WDR19: variants seen among roughly 807,000 people sequenced by gnomAD.
The protein encoded by WDR19 is WD repeat domain 19.
WDR19 carries 121 observed loss-of-function variants against 180.0 expected under a neutral mutation model. The ratio of observed to expected loss-of-function variants is 0.67; its 90% confidence interval spans 0.58 to 0.78. The LOEUF (loss-of-function observed/expected upper bound fraction) is 0.78, where lower values mean the gene tolerates loss of function less well. Ranked by LOEUF, WDR19 falls within the 30% of genes least tolerant of loss-of-function variation. WDR19 has a pLI of 0.00. For synonymous variants in WDR19, 497 were observed against 540.7 expected (o/e 0.92, Z 1.12); for missense variants, 1,450 against 1,640.7 (o/e 0.88, Z 2.01).
intron 4 of WDR19, among the ~76,000 whole-genome samples, chr4:39,190,027 T>C (rs906433468): frequency 1.3e-5 from 2 of 152,226 alleles, no homozygotes; most frequent in Non-Finnish European, 2.9e-5. Context: ...AGACAAAATA[T>C]ATATGGGAAA....
chr4:39,264,591 C>T (rs539598061), intron 28 of WDR19, among the ~76,000 whole-genome samples: 1 of 152,306 alleles, frequency 6.6e-6, no homozygotes, highest in South Asian at 2.1e-4. Context: ...GCAAGCAAGG[C>T]CATGTGTGGC....
chr4:39,198,485 C>T (rs1003515036), intron 5 of WDR19, among the ~76,000 whole-genome samples: 1 of 151,852 alleles, frequency 6.6e-6, no homozygotes, highest in African/African-American at 2.4e-5. Context: ...GGCATGAACC[C>T]GGGAGGTGGA....
chr4:39,267,462 A>C (rs749310954), intron 29 of WDR19, among the ~76,000 whole-genome samples: 2 of 152,218 alleles, frequency 1.3e-5, no homozygotes, highest in Non-Finnish European at 2.9e-5. Context: ...ATAATTTGAA[A>C]ACCAGCGTCA....
At chr4:39,236,491 A>G (rs1047729406) in intron 20 of WDR19, among the ~76,000 whole-genome samples, 1 of 152,210 alleles carries the variant, frequency 6.6e-6, no homozygotes, top group African/African-American at 2.4e-5. Flanking sequence ...TGGAGACTCC[A>G]AAAGGTGGGA....
At chr4:39,251,282 G>T (rs1356835660) in intron 24 of WDR19, among the ~76,000 whole-genome samples, 1 of 152,140 alleles carries the variant, frequency 6.6e-6, no homozygotes, top group Non-Finnish European at 1.5e-5. Flanking sequence ...TTAATAAATG[G>T]TGCTGGGAAA....
Position 39,190,548 on chromosome 4 carries a change from G to A in WDR19, c.290+767G>A, listed in dbSNP as rs533008836. Among the ~76,000 whole-genome samples the A allele has an allele frequency of 3.2e-4, 48 of 152,252 alleles. 1 individual carries two copies. The highest frequency in any genetic ancestry group is 6.8e-3 in the Middle Eastern group (2 of 294). On this transcript the variant is annotated intron_variant, in intron 4 of 36. Coordinates refer to ENST00000399820, the MANE Select transcript of WDR19 (RefSeq NM_025132.4). ...TGACATGGGTATAACATGCTTCATG[G>A]CTTCATGTACCCCTCATGTGGGGAG...
intron 21 of WDR19, among the ~76,000 whole-genome samples, chr4:39,240,681 G>T (rs1240020534): frequency 1.3e-5 from 2 of 152,076 alleles, no homozygotes; most frequent in Non-Finnish European, 2.9e-5. Context: ...GCTGGACGCG[G>T]TGGCTCACAC....
chr4:39,251,152 A>G (rs1297159193), intron 24 of WDR19, among the ~76,000 whole-genome samples: 1 of 152,208 alleles, frequency 6.6e-6, no homozygotes, highest in Non-Finnish European at 1.5e-5. Flanking sequence ...TACTGGTACC[A>G]AAACAGAGAT....
chr4:39,266,230 G>C (rs946021216), intron 29 of WDR19, 90 bp downstream of exon 29: 1 of 1,235,960 alleles, frequency 8.1e-7, no homozygotes, highest in African/African-American at 1.5e-5. Context: ...TTACAACATA[G>C]ACATGAAAAA....
chr4:39,228,041 G>A (rs544788476), intron 15 of WDR19, among the ~76,000 whole-genome samples, 169 bp from the exon 16 acceptor site: 3 of 152,106 alleles, frequency 2.0e-5, no homozygotes, highest in Non-Finnish European at 4.4e-5. Context: ...GCCAGACCTA[G>A]GATAGGAATG....
intron 1 of WDR19, among the ~76,000 whole-genome samples, chr4:39,184,279 G>C (rs1189220941): frequency 1.3e-5 from 2 of 151,768 alleles, no homozygotes; most frequent in African/African-American, 4.8e-5. Context: ...GCGTGGTAGC[G>C]TGTGCCTGTA....
At chr4:39,216,682 A>T (rs749550925) in intron 12 of WDR19, among the ~76,000 whole-genome samples, 1 of 152,100 alleles carries the variant, frequency 6.6e-6, no homozygotes, top group East Asian at 1.9e-4. Flanking sequence ...CTCCCCTTTT[A>T]TTCTTTGAAT....
intron 28 of WDR19, among the ~76,000 whole-genome samples, chr4:39,259,697 T>C (rs1734101101): frequency 6.6e-6 from 1 of 152,240 alleles, no homozygotes; most frequent in African/African-American, 2.4e-5. Flanking sequence ...GTAATACTGC[T>C]ATTAACATTT....
In WDR19 at chr4:39,269,996, G is replaced by A. The variant is rs767727756; in HGVS notation, c.3379G>A (p.Asp1127Asn). Residue 1127 changes from aspartate (D) to asparagine (N), a missense_variant, in exon 31 of 37, where the codon GAT becomes AAT. By Grantham distance (23) the Asp-to-Asn change is conservative. Transcript: ENST00000399820. ...QSAGNYRNAH[D>N]VLFSMYAELK... is the part of the protein sequence containing the mutation. Reference sequence around the variant, plus strand: ...TCAAGGCAACTACCGGAATGCACACGATGTTCTCTTCAGTATGTATGCAGA... The same window carrying A: ...TCAAGGCAACTACCGGAATGCACACAATGTTCTCTTCAGTATGTATGCAGA... The A allele has an allele frequency of 8.9e-5, 144 of 1,613,562 alleles. No homozygotes were observed. Among genetic ancestry groups the A allele is most frequent in the Non-Finnish European group, 1.2e-4 (141 of 1,179,804 alleles).
chr4:39,260,983 C>T (rs1734231402), intron 28 of WDR19, among the ~76,000 whole-genome samples: 1 of 151,760 alleles, frequency 6.6e-6, no homozygotes, highest in Admixed American at 6.6e-5. Context: ...CATAATAGCC[C>T]ATATTTTTTT....
rs80285386 is a variant in WDR19, at chr4:39,208,197, A to G, written c.890+2461A>G. 6.2e-3 allele frequency among the ~76,000 whole-genome samples: 947 copies of G among 152,322 alleles called. 9 individuals are homozygous for G. Among genetic ancestry groups the G allele is most frequent in the African/African-American group, 0.018 (749 of 41,584 alleles). On this transcript the variant is annotated intron_variant, in intron 9 of 36. Coordinates refer to ENST00000399820, the MANE Select transcript of WDR19 (RefSeq NM_025132.4). ...GAAAGAAACAGGAATAAAAACAAATAAAAGAGAGAACAAATAGAAAGCAAA... is the reference window on the plus strand; with the variant it reads ...GAAAGAAACAGGAATAAAAACAAATGAAAGAGAGAACAAATAGAAAGCAAA...
At chr4:39,240,689 C>T (rs1296408114) in intron 21 of WDR19, among the ~76,000 whole-genome samples, 2 of 152,018 alleles carry the variant, frequency 1.3e-5, no homozygotes, top group Non-Finnish European at 2.9e-5. Context: ...CGGTGGCTCA[C>T]ACCTGTAATC....
In WDR19 at chr4:39,205,183, G is replaced by T. The variant is rs1162036832; in HGVS notation, c.633G>T (p.Leu211Phe). The T allele has an allele frequency of 2.5e-6, 4 of 1,595,706 alleles. No individual in the cohort carries two copies. Among genetic ancestry groups the T allele is most frequent in the Non-Finnish European group, 3.4e-6 (4 of 1,170,604 alleles). The change falls in exon 8 of 37, where the codon TTG becomes TTT. Residue 211 changes from leucine (L) to phenylalanine (F), a missense_variant. Transcript: ENST00000399820. ...GTGTGGTGCTTGGCAAGAAAACTTT[G>T]TTTTTTTTAAATCTGAATGAACCAG... ...MISVVLGKKTLFFLNLNEPDN... is the reference protein window; with the variant it reads ...MISVVLGKKTFFFLNLNEPDN...
chr4:39,272,818 GA>G (rs1163014415), intron 31 of WDR19, among the ~76,000 whole-genome samples, 161 bp from the exon 32 acceptor site: 1 of 152,122 alleles, frequency 6.6e-6, no homozygotes, highest in Non-Finnish European at 1.5e-5. Flanking sequence ...CTGTTGAAGA[GA>G]AAAAAGTGGA....
Sources: allele counts gnomAD v4.1 joint callset (sites outside exome capture counted in the v4.1 genomes callset), GRCh38; gene constraint gnomAD v4.1.1; transcripts MANE v1.5; gene names NCBI Gene and HGNC (gene_info 2026-07-23, HGNC 2026-07-21).